Variants in RNF216 observed in about 807,000 individuals in gnomAD.
RNF216 encodes the protein E3 ubiquitin-protein ligase RNF216.
RNF216 carries 72 observed loss-of-function variants against 110.8 expected under a neutral mutation model. The observed-to-expected ratio is 0.65, with a 90% CI of 0.54 to 0.79. The LOEUF is 0.79. Among genes scored for constraint, RNF216 ranks in the 30% least tolerant of loss-of-function variants. RNF216 has a pLI of 0.00. For missense variants in RNF216, 1,342 were observed against 1,141.2 expected, an observed-to-expected ratio of 1.18 and a Z score of -2.54; for synonymous variants, 495 against 407.5, an observed-to-expected ratio of 1.21 and a Z score of -2.59.
At chr7:5,665,506 T>A (rs550838562) in intron 13 of RNF216, among the ~76,000 whole-genome samples, 1 of 152,276 alleles carries the variant, frequency 6.6e-6, no homozygotes, top group South Asian at 2.1e-4. Context: ...GCCACCAGGA[T>A]TAGGTGACAA....
intron 2 of RNF216, among the ~76,000 whole-genome samples, chr7:5,754,163 C>T (rs1188045048): frequency 1.6e-5 from 2 of 122,218 alleles, no homozygotes; most frequent in Non-Finnish European, 1.7e-5. Flanking sequence ...TGTGTGTGTG[C>T]GCATTTGTCT....
intron 8 of RNF216, 129 bp downstream of exon 8, chr7:5,725,195 C>T: frequency 1.8e-6 from 1 of 545,080 alleles, no homozygotes; most frequent in Non-Finnish European, 3.3e-6. Flanking sequence ...TAGTTCCTGT[C>T]AGTCACTCCT....
At chr7:5,702,699 T>C (rs1792045815) in intron 13 of RNF216, among the ~76,000 whole-genome samples, 1 of 152,250 alleles carries the variant, frequency 6.6e-6, no homozygotes, top group South Asian at 2.1e-4. Context: ...TCAAGAAGTC[T>C]GTGATGAATA....
intron 14 of RNF216, among the ~76,000 whole-genome samples, chr7:5,648,621 G>A (rs1256557588): frequency 6.6e-6 from 1 of 151,632 alleles, no homozygotes; most frequent in African/African-American, 2.4e-5. Context: ...CCAGCTACTC[G>A]GGAGGCTGAG....
intron 13 of RNF216, among the ~76,000 whole-genome samples, chr7:5,658,423 G>A (rs1380673840): frequency 1.3e-5 from 2 of 152,080 alleles, no homozygotes; most frequent in Non-Finnish European, 2.9e-5. Context: ...CTGGGAAGCC[G>A]ATGTGGGCAG....
At chr7:5,714,980 T>G (rs987912203) in intron 11 of RNF216, 73 bp downstream of exon 11, 7 of 1,422,872 alleles carry the variant, frequency 4.9e-6, no homozygotes, top group Non-Finnish European at 5.7e-6. Context: ...CACTTACACT[T>G]ATCTATCAAC....
At chr7:5,689,038 C>T (rs1304820126) in intron 13 of RNF216, among the ~76,000 whole-genome samples, 1 of 152,162 alleles carries the variant, frequency 6.6e-6, no homozygotes, top group Non-Finnish European at 1.5e-5. Context: ...TCTGCTGTGG[C>T]TTCCTCTCTC....
chr7:5,751,261 T>C (rs1299073258), intron 3 of RNF216, among the ~76,000 whole-genome samples: 1 of 152,062 alleles, frequency 6.6e-6, no homozygotes, highest in Non-Finnish European at 1.5e-5. Flanking sequence ...AAACCCAAAA[T>C]GATGGTAACT....
intron 13 of RNF216, among the ~76,000 whole-genome samples, chr7:5,688,787 CA>C (rs1791144480): frequency 6.6e-6 from 1 of 152,192 alleles, no homozygotes; most frequent in East Asian, 1.9e-4. Flanking sequence ...GGGCAATTCT[CA>C]GTTTATTTAG....
chr7:5,650,697 T>C (rs1390425927), intron 14 of RNF216, among the ~76,000 whole-genome samples: 1 of 152,140 alleles, frequency 6.6e-6, no homozygotes, highest in African/African-American at 2.4e-5. Flanking sequence ...CCTTCTCACG[T>C]TTGTTTGACT....
chr7:5,629,730 G>A (rs1240379801), intron 15 of RNF216, among the ~76,000 whole-genome samples: 1 of 151,062 alleles, frequency 6.6e-6, no homozygotes, highest in East Asian at 2.0e-4. Flanking sequence ...GGGAGGCTGA[G>A]GCAGGAGAAT....
At chr7:5,661,835 A>C (rs1465397866) in intron 13 of RNF216, among the ~76,000 whole-genome samples, 1 of 152,164 alleles carries the variant, frequency 6.6e-6, no homozygotes, top group Admixed American at 6.5e-5. Flanking sequence ...GTAAGAGAAA[A>C]AGAAGGCTCA....
At chr7:5,625,667 G>A (rs2128556008) in intron 15 of RNF216, among the ~76,000 whole-genome samples, 1 of 152,364 alleles carries the variant, frequency 6.6e-6, no homozygotes, top group African/African-American at 2.4e-5. Flanking sequence ...CACTAAACGT[G>A]CACTGCATGC....
At chr7:5,709,940 T>G (rs530348563) in intron 13 of RNF216, among the ~76,000 whole-genome samples, 1 of 152,228 alleles carries the variant, frequency 6.6e-6, no homozygotes, top group African/African-American at 2.4e-5. Flanking sequence ...ATTTTTTTTG[T>G]AGAGATAGGG....
chr7:5,651,871 T>TCTC (rs541152117), intron 14 of RNF216, among the ~76,000 whole-genome samples: 68 of 152,232 alleles, frequency 4.5e-4, no homozygotes, highest in African/African-American at 1.6e-3. Flanking sequence ...ATGGTCTCAA[T>TCTC]CTCCTGACCT....
chr7:5,739,117 A>G (rs544404438), intron 5 of RNF216, among the ~76,000 whole-genome samples, 159 bp downstream of exon 5: 8 of 152,294 alleles, frequency 5.3e-5, no homozygotes, highest in African/African-American at 1.7e-4. Context: ...AAGATGAAAG[A>G]GTTCTGAAGA....
chr7:5,748,448 C>T (rs190582006), intron 3 of RNF216, among the ~76,000 whole-genome samples: 3 of 152,252 alleles, frequency 2.0e-5, no homozygotes, highest in East Asian at 1.9e-4. Context: ...TTAGTAGAGA[C>T]GGGGTTTCAC....
chr7:5,761,414 C>T (rs1488119965), intron 1 of RNF216, among the ~76,000 whole-genome samples: 2 of 152,148 alleles, frequency 1.3e-5, no homozygotes, highest in Non-Finnish European at 1.5e-5. Flanking sequence ...AGGGTATTAA[C>T]AGGCAATTCA....
chr7:5,742,049 A>G (rs763896590), intron 3 of RNF216, among the ~76,000 whole-genome samples: 3 of 152,148 alleles, frequency 2.0e-5, no homozygotes, highest in Non-Finnish European at 2.9e-5. Flanking sequence ...TTGAATTATA[A>G]TTTATTTTTA....
Sources: gnomAD v4.1 joint callset for allele counts (sites outside exome capture counted in the v4.1 genomes callset) on GRCh38, gnomAD v4.1.1 for gene constraint, MANE v1.5 for transcripts, NCBI Gene and HGNC (gene_info 2026-07-23, HGNC 2026-07-21) for gene names.